FBXL2: variants seen among roughly 807,000 people sequenced by gnomAD.
FBXL2 encodes F-box and leucine rich repeat protein 2.
A neutral mutation model predicts 69.2 loss-of-function variants in FBXL2; 38 were observed. That is an observed-to-expected ratio of 0.55 (90% CI 0.42 to 0.72). FBXL2 has a LOEUF of 0.72. Among genes scored for constraint, FBXL2 ranks in the 30% least tolerant of loss-of-function variants. The pLI, the probability that FBXL2 is intolerant of heterozygous loss-of-function variation, is 0.00. For missense variants in FBXL2, 354 were observed against 520.3 expected, an observed-to-expected ratio of 0.68 and a Z score of 3.11; for synonymous variants, 192 against 201.3, an observed-to-expected ratio of 0.95 and a Z score of 0.39.
chr3:33,277,777 C>A (rs1034605108), intron 1 of FBXL2, among the ~76,000 whole-genome samples: 1 of 152,084 alleles, frequency 6.6e-6, no homozygotes, highest in Non-Finnish European at 1.5e-5. Flanking sequence ...CCCGGACCCC[C>A]ACCCAGTGGG....
rs1405234318 is a variant in FBXL2 at position 33,319,094 on chromosome 3, C to A, written c.65+21369C>A. ...TTTAGGTGTTTTAAGACGTCACAGT[C>A]CTGGGATATATCAAGACAGAATTAT... On this transcript the variant is annotated intron_variant, in intron 2 of 14. Transcript: ENST00000484457. Among the ~76,000 whole-genome samples the A allele has an allele frequency of 3.9e-5, 6 of 152,296 alleles. No individual in the cohort carries two copies. The East Asian group carries it at 1.2e-3, about 29-fold the overall frequency.
intron 2 of FBXL2, among the ~76,000 whole-genome samples, chr3:33,352,664 G>C (rs2040904834): frequency 6.6e-6 from 1 of 152,220 alleles, no homozygotes; most frequent in South Asian, 2.1e-4. Flanking sequence ...GGGAGGCCAA[G>C]GTGGGCAGAT....
At chr3:33,284,913 C>T (rs1200229315) in intron 1 of FBXL2, among the ~76,000 whole-genome samples, 1 of 152,160 alleles carries the variant, frequency 6.6e-6, no homozygotes, top group Non-Finnish European at 1.5e-5. Flanking sequence ...CTTCCTCCAT[C>T]CCTTTATTTT....
At chr3:33,287,556 A>G (rs2034776762) in intron 1 of FBXL2, among the ~76,000 whole-genome samples, 1 of 152,100 alleles carries the variant, frequency 6.6e-6, no homozygotes. Context: ...GCTCACTGCA[A>G]CTTCGAATTC....
At chr3:33,280,796 G>A (rs1485466495) in intron 1 of FBXL2, among the ~76,000 whole-genome samples, 1 of 151,332 alleles carries the variant, frequency 6.6e-6, no homozygotes, top group Non-Finnish European at 1.5e-5. Context: ...AAAATCTATT[G>A]GGATATATAT....
chr3:33,289,912 C>A, intron 1 of FBXL2: 2 of 365,824 alleles, frequency 5.5e-6, no homozygotes, highest in Non-Finnish European at 7.6e-6. Flanking sequence ...GGGGGCATGG[C>A]AAGACAGCTA....
At chr3:33,411,771 A>T in the FBXL2 span, 1 of 1,091,740 alleles carries the variant, frequency 9.2e-7, no homozygotes, top group Non-Finnish European at 1.4e-6. Flanking sequence ...TGTTCTAATG[A>T]AATAACTGTA....
chr3:33,393,175 A>G (rs989430580), intron 12 of FBXL2: 1 of 980,362 alleles, frequency 1.0e-6, no homozygotes, highest in Non-Finnish European at 1.4e-6. Flanking sequence ...AAGTTCTTCC[A>G]AAGTGATTCC....
downstream of FBXL2, among the ~76,000 whole-genome samples, chr3:33,405,231 T>A (rs2044386106): frequency 6.6e-6 from 1 of 152,160 alleles, no homozygotes; most frequent in Admixed American, 6.5e-5. Flanking sequence ...TATGTCATAT[T>A]AGGATAAAAT....
At chr3:33,411,446 CTATGT>C in the FBXL2 span, 1 of 696,532 alleles carries the variant, frequency 1.4e-6, no homozygotes, top group Non-Finnish European at 2.4e-6. Context: ...TTAAACCTAA[CTATGT>C]ATATAGAAAG....
chr3:33,277,494 C>G lies in FBXL2; in HGVS notation c.-19C>G, dbSNP rs773313982. 6.2e-6 allele frequency: 8 copies of G among 1,295,842 alleles called. No individual in the cohort carries two copies. The Admixed American group carries it at 2.2e-4, about 35-fold the overall frequency. The allele number at this position is 1,295,842 out of a possible 1,614,324, so 80.3% of individuals were successfully genotyped here. On this transcript the variant is annotated 5_prime_UTR_variant, in exon 1 of 15. Transcript: ENST00000484457. ...GCCGTGTGACTTCGGGCTGTGGGCT[C>G]GCTCGCGGCTCTTCGGCCATGGTGA...
chr3:33,383,060 G>T (rs111557751), intron 13 of FBXL2: 1 of 152,086 alleles, frequency 6.6e-6, no homozygotes, highest in Non-Finnish European at 1.5e-5. Flanking sequence ...CTGTTCCCCA[G>T]GACAAATCCT....
chr3:33,386,684 A>C lies in FBXL2; in HGVS notation c.*1076A>C, dbSNP rs891357734. ...GATTTTATGGCAGACACATCCAAGC[A>C]AAACCATTTTCCAAATGCAGACCTT... On this transcript the variant is annotated 3_prime_UTR_variant, in exon 15 of 15. Transcript: ENST00000484457. 1.3e-5 allele frequency: 2 copies of C among 152,240 alleles called. No individual in the cohort carries two copies. The highest frequency in any genetic ancestry group is 2.4e-5 in the African/African-American group (1 of 41,460). The allele number at this position is 152,240 out of a possible 1,614,324, so 9.4% of individuals were successfully genotyped here.
At chr3:33,297,822 AAAAC>A (rs760201918) in intron 2 of FBXL2, 97 bp downstream of exon 2, 6 of 781,174 alleles carry the variant, frequency 7.7e-6, no homozygotes, top group Middle Eastern at 2.3e-4. Context: ...ATAGCATAGA[AAAAC>A]AGACAGAATT....
downstream of FBXL2, chr3:33,391,553 T>A (rs185302807): frequency 6.6e-6 from 1 of 152,192 alleles, no homozygotes; most frequent in Non-Finnish European, 1.5e-5. Context: ...TTGACATTTC[T>A]ACATATCCAA....
chr3:33,416,001 C>A, the FBXL2 span: 12,531 of 152,200 alleles, frequency 0.082, 750 homozygotes, highest in South Asian at 0.23. Flanking sequence ...CCTTCCCATG[C>A]TTACCCACTA....
chr3:33,373,123 C>T lies in FBXL2; in HGVS notation c.322C>T (p.His108Tyr), dbSNP rs866060137. The T allele has an allele frequency of 6.2e-7, 1 of 1,614,200 alleles. No individual in the cohort carries two copies. Among genetic ancestry groups the T allele is most frequent in the Non-Finnish European group, 8.5e-7 (1 of 1,180,008 alleles). ...TFAQNCRNIE[H>Y]LNLNGCTKIT... is the part of the protein sequence containing the mutation. ...TGCACAGAACTGCCGAAACATTGAA[C>T]ATTTGAACCTCAATGGATGCACAAA... The change falls in exon 6 of 15, where the codon CAT becomes TAT. Residue 108 changes from histidine (H) to tyrosine (Y), a missense_variant. By Grantham distance (83) the His-to-Tyr change is moderately conservative. Transcript: ENST00000484457.
intron 2 of FBXL2, among the ~76,000 whole-genome samples, chr3:33,324,014 T>C (rs915652575): frequency 7.9e-5 from 12 of 152,250 alleles, no homozygotes; most frequent in Admixed American, 2.6e-4. Flanking sequence ...TGGCGTGAGA[T>C]AGTATCTCAT....
chr3:33,392,633 T>C (rs767603791), downstream of FBXL2: 4 of 1,600,090 alleles, frequency 2.5e-6, no homozygotes, highest in South Asian at 1.1e-5. Flanking sequence ...ATAAAGTAAA[T>C]GCGTAAGTAC....
Sources: allele counts gnomAD v4.1 joint callset (sites outside exome capture counted in the v4.1 genomes callset), GRCh38; gene constraint gnomAD v4.1.1; transcripts MANE v1.5; gene names NCBI Gene and HGNC (gene_info 2026-07-23, HGNC 2026-07-21).